Variants in ARAP2 observed in about 807,000 individuals in gnomAD.
ARAP2 encodes arf-GAP with Rho-GAP domain, ANK repeat and PH domain-containing protein 2.
In ARAP2, 148 loss-of-function variants were observed where a neutral mutation model predicts 194.5. The observed-to-expected ratio is 0.76, with a 90% confidence interval of 0.67 to 0.87. The LOEUF is 0.87. Ranked by LOEUF, ARAP2 falls within the 40% of genes least tolerant of loss-of-function variation. The pLI, the probability that ARAP2 is intolerant of heterozygous loss-of-function variation, is 0.00. For synonymous variants in ARAP2, 695 were observed against 683.5 expected, an observed-to-expected ratio of 1.02 and a Z score of -0.26; for missense variants, 2,128 against 1,989.7, an observed-to-expected ratio of 1.07 and a Z score of -1.32.
intron 2 of ARAP2, among the ~76,000 whole-genome samples, chr4:36,225,641 A>C (rs1201239967): frequency 6.6e-6 from 1 of 152,126 alleles, no homozygotes; most frequent in Non-Finnish European, 1.5e-5. Context: ...AAAGACAAAA[A>C]ATTTAATAGA....
chr4:36,160,030 C>G (rs533501633), intron 13 of ARAP2: 1 of 938,186 alleles, frequency 1.1e-6, no homozygotes, highest in African/African-American at 1.8e-5. Context: ...GAGAAGGCGG[C>G]AATAAAAAAT....
intron 5 of ARAP2, among the ~76,000 whole-genome samples, chr4:36,028,656 T>A (rs1162447209): frequency 6.6e-6 from 1 of 151,968 alleles, no homozygotes; most frequent in Non-Finnish European, 1.5e-5. Context: ...ATTATGTTTT[T>A]TCCTGTTTTC....
chr4:36,161,826 C>T (rs1337869365), intron 11 of ARAP2, among the ~76,000 whole-genome samples: 3 of 144,084 alleles, frequency 2.1e-5, no homozygotes, highest in African/African-American at 7.8e-5. Context: ...AAAAACTACA[C>T]GGCCTGGCGC....
At chr4:36,094,398 C>T (rs150121773) in intron 27 of ARAP2, among the ~76,000 whole-genome samples, 7 of 152,134 alleles carry the variant, frequency 4.6e-5, no homozygotes, top group African/African-American at 7.2e-5. Context: ...AGGCCTTTTA[C>T]GGAAAAAAGC....
At chr4:36,086,137 T>A (rs1711749596) in intron 28 of ARAP2, among the ~76,000 whole-genome samples, 1 of 152,050 alleles carries the variant, frequency 6.6e-6, no homozygotes, top group African/African-American at 2.4e-5. Context: ...CTTTTAATAA[T>A]TTAGATTGCT....
chr4:36,079,028 G>A (rs1394234442), intron 31 of ARAP2, among the ~76,000 whole-genome samples: 1 of 151,824 alleles, frequency 6.6e-6, no homozygotes, highest in Non-Finnish European at 1.5e-5. Flanking sequence ...ACAAAAATTA[G>A]CTGGGCACGG....
chr4:36,092,021 C>T lies in ARAP2; in HGVS notation c.4286-1G>A. ...TTGATGCTTCCCAGTGTACTCCGGTCTGTAAAGTACAGCATTACTTTTGTG... is the reference window on the plus strand; with the variant it reads ...TTGATGCTTCCCAGTGTACTCCGGTTTGTAAAGTACAGCATTACTTTTGTG... On this transcript the variant is annotated splice_acceptor_variant, in intron 27 of 32. Transcript: ENST00000303965. LOFTEE classifies it high-confidence loss of function. 3 of 1,546,244 alleles carry T rather than the reference C, an allele frequency of 1.9e-6. No homozygotes were observed. The highest frequency in any genetic ancestry group is 2.6e-6 in the Non-Finnish European group (3 of 1,134,874).
intron 8 of ARAP2, among the ~76,000 whole-genome samples, chr4:36,186,735 A>T (rs1255742572): frequency 2.0e-5 from 3 of 152,186 alleles, no homozygotes; most frequent in Non-Finnish European, 4.4e-5. Context: ...CACAAACTCT[A>T]CTGTAAAATG....
chr4:36,128,504 A>ACACACACACACACAAC, intron 21 of ARAP2, 29 bp downstream of exon 21: 1 of 1,532,602 alleles, frequency 6.5e-7, no homozygotes, highest in Non-Finnish European at 9.0e-7. Flanking sequence ...ACACACACAC[A>ACACACACACACACAAC]TATCTACAAA....
chr4:36,236,282 C>G (rs1241928835), intron 1 of ARAP2, among the ~76,000 whole-genome samples: 2 of 151,970 alleles, frequency 1.3e-5, no homozygotes, highest in Non-Finnish European at 2.9e-5. Context: ...CTCCCCATTA[C>G]CCATTACCAG....
chr4:36,242,124 CA>C (rs1753635631), intron 1 of ARAP2, among the ~76,000 whole-genome samples: 1 of 152,162 alleles, frequency 6.6e-6, no homozygotes, highest in Non-Finnish European at 1.5e-5. Context: ...TGATAAATTA[CA>C]AGGTCCAGAA....
chr4:36,039,050 G>A (rs1720397529), intron 5 of ARAP2, among the ~76,000 whole-genome samples: 4 of 152,120 alleles, frequency 2.6e-5, no homozygotes, highest in Admixed American at 2.0e-4. Flanking sequence ...CACAGACACA[G>A]ACAAGGAAAA....
chr4:36,101,559 A>C (rs1036599061), intron 27 of ARAP2, among the ~76,000 whole-genome samples: 5 of 151,982 alleles, frequency 3.3e-5, no homozygotes, highest in Admixed American at 3.3e-4. Flanking sequence ...TATAATTTTC[A>C]GCATACTGTT....
intron 19 of ARAP2, among the ~76,000 whole-genome samples, chr4:36,137,184 T>G (rs181851682): frequency 2.0e-5 from 3 of 151,996 alleles, no homozygotes; most frequent in East Asian, 3.9e-4. Context: ...AAGTACATGA[T>G]TTGAAATGAA....
intron 3 of ARAP2, among the ~76,000 whole-genome samples, chr4:36,048,337 T>G (rs986324695): frequency 6.6e-6 from 1 of 152,094 alleles, no homozygotes; most frequent in African/African-American, 2.4e-5. Context: ...CATCACCAAA[T>G]AGGTAGTTTT....
intron 28 of ARAP2, among the ~76,000 whole-genome samples, chr4:36,085,611 T>A (rs141194806): frequency 3.3e-5 from 5 of 152,142 alleles, no homozygotes; most frequent in Non-Finnish European, 5.9e-5. Context: ...ATCTTAATAG[T>A]TGGATGGCAA....
intron 11 of ARAP2, among the ~76,000 whole-genome samples, chr4:36,164,183 C>G (rs1218928767): frequency 6.6e-6 from 1 of 152,148 alleles, no homozygotes; most frequent in East Asian, 1.9e-4. Context: ...CTCTGTCTCT[C>G]TCATCTGTGT....
At chr4:36,059,042 T>C (rs536883419) in intron 1 of ARAP2, among the ~76,000 whole-genome samples, 1 of 152,072 alleles carries the variant, frequency 6.6e-6, no homozygotes, top group African/African-American at 2.4e-5. Context: ...TCTAAGGCCT[T>C]TTCATGCCTA....
intron 3 of ARAP2, chr4:36,051,876 C>G (rs920100871): frequency 1.4e-4 from 22 of 152,200 alleles, no homozygotes; most frequent in Non-Finnish European, 2.8e-4. Context: ...TGACGTGTGA[C>G]TGTTTGATAA....
Sources: gnomAD v4.1 joint callset for allele counts (sites outside exome capture counted in the v4.1 genomes callset) on GRCh38, gnomAD v4.1.1 for gene constraint, MANE v1.5 for transcripts, NCBI Gene and HGNC (gene_info 2026-07-23, HGNC 2026-07-21) for gene names.